RECQL5: variants seen among roughly 807,000 people sequenced by gnomAD.
RECQL5 encodes RecQ like helicase 5.
Under a neutral mutation model 103.4 loss-of-function variants are expected in RECQL5, and 88 were observed. That is an observed-to-expected ratio of 0.85 (90% CI 0.72 to 1.02). The LOEUF is 1.02. RECQL5 is among the 50% of genes least tolerant of loss of function. The probability of loss-of-function intolerance (pLI) is 0.00; values close to 1 mark genes in which losing one functional copy is unlikely to be tolerated. For synonymous variants in RECQL5, 552 were observed against 507.9 expected, an observed-to-expected ratio of 1.09 and a Z score of -1.17; for missense variants, 1,232 against 1,284.3, an observed-to-expected ratio of 0.96 and a Z score of 0.62.
intron 8 of RECQL5, among the ~76,000 whole-genome samples, chr17:75,642,055 T>A (rs535333025): frequency 1.3e-5 from 2 of 152,194 alleles, no homozygotes; most frequent in Non-Finnish European, 2.9e-5. Context: ...CCTCTAAACA[T>A]GGGACCAACC....
chr17:75,627,530 T>C lies in RECQL5; in HGVS notation c.2876-8A>G. The C allele has an allele frequency of 6.2e-7, 1 of 1,613,738 alleles. No individual in the cohort carries two copies. Among genetic ancestry groups the C allele is most frequent in the East Asian group, 2.2e-5 (1 of 44,868 alleles). On this transcript the variant is annotated splice_region_variant and splice_polypyrimidine_tract_variant and intron_variant, in intron 19 of 19. Coordinates refer to ENST00000317905, the MANE Select transcript of RECQL5 (RefSeq NM_004259.7). ...TCTGGGCCTCTTCTTTCACTACAGA[T>C]TCAGGGTGGGGGCATGAGGAGGTGA...
Position 75,627,278 on chromosome 17 carries a change from T to G in RECQL5, c.*144A>C, listed in dbSNP as rs1332247091. The stretch of plus-strand genomic sequence containing the variant: ...ACCTCTGACCTGGATTCAGGGGGTG[T>G]CTGGGGTCATCCCCAAAGCCAAGTA... On this transcript the variant is annotated 3_prime_UTR_variant, in exon 20 of 20. Transcript: ENST00000317905. 5 of 729,404 alleles carry G rather than the reference T, an allele frequency of 6.9e-6. No individual in the cohort carries two copies. The highest frequency in any genetic ancestry group is 1.2e-5 in the Non-Finnish European group (5 of 408,590). 45.2% of individuals were successfully genotyped at this position (729,404 alleles called of 1,614,324 possible).
intron 7 of RECQL5, among the ~76,000 whole-genome samples, chr17:75,654,504 C>T (rs1373876633): frequency 3.3e-5 from 5 of 152,190 alleles, no homozygotes. Flanking sequence ...GGAGAACATC[C>T]TTTAATAGCT....
At position 75,656,995 on chromosome 17, in the gene RECQL5, C is replaced by T. The variant is rs1027783208; in HGVS notation, c.1149+1303G>A. ...TCCTGACCTCGTGATCCACCCGCCTCGGCCTCCCAAAGTGCTGGGATTACA... is the reference window on the plus strand; with the variant it reads ...TCCTGACCTCGTGATCCACCCGCCTTGGCCTCCCAAAGTGCTGGGATTACA... On this transcript the variant is annotated intron_variant, in intron 7 of 19. Transcript: ENST00000317905. Among the ~76,000 whole-genome samples the T allele has an allele frequency of 3.9e-5, 6 of 152,316 alleles. No individual in the cohort carries two copies. The East Asian group carries it at 9.7e-4, about 25-fold the overall frequency.
In RECQL5 at chr17:75,640,244, G is replaced by A. The variant is rs1228863469; in HGVS notation, c.1230-8576C>T. The A allele has an allele frequency of 3.1e-5, 48 of 1,551,214 alleles. No homozygotes were observed. Among genetic ancestry groups the A allele is most frequent in the Admixed American group, 7.9e-5 (4 of 50,946 alleles). ...CGTGCAGGAGATGCGCGCCGTGGGC[G>A]AGAGGCTGCTGCTCAAGCTGCAGAG... is the stretch of plus-strand genomic sequence containing the variant. On this transcript the variant is annotated intron_variant, in intron 8 of 19. Transcript: ENST00000317905. This position sits in a 1 kb window ranked among gnomAD's most constrained non-coding sequence, Gnocchi z 4.6.
Position 75,628,426 on chromosome 17 carries a change from T to A in RECQL5, c.2597A>T (p.Gln866Leu). The change falls in exon 18 of 20, where the codon CAG becomes CTG. Residue 866 changes from glutamine (Q) to leucine (L), a missense_variant. Gln to Leu is a moderately radical substitution (Grantham distance 113, BLOSUM62 -2). Coordinates refer to ENST00000317905, the MANE Select transcript of RECQL5 (RefSeq NM_004259.7). ...TGAGGGGCGTGGCCTCTTCTGAGGC[T>A]GGCTCTCTGGGTTCTCCTGAGAAGG... is the stretch of plus-strand genomic sequence containing the variant. ...PRSQQENPES[Q>L]PQKRPRPSAK... 1 of 1,613,610 alleles carries A rather than the reference T, an allele frequency of 6.2e-7. No homozygotes were observed. Among genetic ancestry groups the A allele is most frequent in the Non-Finnish European group, 8.5e-7 (1 of 1,180,008 alleles).
chr17:75,639,701 G>A (rs2059397516), intron 8 of RECQL5: 1 of 153,230 alleles, frequency 6.5e-6, no homozygotes, highest in South Asian at 2.0e-4. Flanking sequence ...TTTCACCTCT[G>A]ACTGACCCTG....
chr17:75,660,870 G>T, intron 6 of RECQL5, 85 bp downstream of exon 6: 1 of 971,392 alleles, frequency 1.0e-6, no homozygotes, highest in Non-Finnish European at 1.7e-6. Flanking sequence ...AGGAGCACAT[G>T]CACCTGGTCC....
intron 5 of RECQL5, 77 bp from the exon 6 acceptor site, chr17:75,661,143 CTG>C (rs768855016): frequency 1.4e-5 from 16 of 1,105,018 alleles, no homozygotes; most frequent in Non-Finnish European, 2.0e-5. Flanking sequence ...GGGTTTGACA[CTG>C]TGTGCTAGGC....
At chr17:75,663,389 T>C (rs764915501) in intron 3 of RECQL5, among the ~76,000 whole-genome samples, 8 of 151,722 alleles carry the variant, frequency 5.3e-5, no homozygotes, top group Non-Finnish European at 7.4e-5. Context: ...TAATAAAAAA[T>C]ATATATTAAA....
rs761415779 is a variant in RECQL5 at position 75,628,296 on chromosome 17, G to A, written c.2727C>T (p.Gly909=). The A allele has an allele frequency of 8.1e-6, 13 of 1,614,046 alleles. No individual in the cohort carries two copies. The highest frequency in any genetic ancestry group is 5.3e-5 in the African/African-American group (4 of 74,928). The stretch of plus-strand genomic sequence containing the variant: ...CATTTGCAGCCTCCTTCAAGGAGAC[G>A]CCAGGAGCGGAGAGCTGGAAGGGGT... ...AQDPFQLSAP[G]VSLKEAANVV... is the part of the protein sequence containing the mutation. The change falls in exon 18 of 20, where the codon GGC becomes GGT. Residue 909 remains glycine (G), a synonymous_variant. Transcript: ENST00000317905.
At position 75,658,389 on chromosome 17, in the gene RECQL5, T is replaced by A; in HGVS notation, c.1058A>T (p.Asp353Val). The A allele has an allele frequency of 6.2e-7, 1 of 1,614,016 alleles. No homozygotes were observed. The highest frequency in any genetic ancestry group is 8.5e-7 in the Non-Finnish European group (1 of 1,179,962). ...GAGACGGCACCAGGAAGGCTTCCCA[T>A]CCCTGCCAGCCCGGCCAGACTCCTG... Reference protein sequence around the residue: ...YYQESGRAGRDGKPSWCRLYY... With the variant: ...YYQESGRAGRVGKPSWCRLYY... The change falls in exon 7 of 20, where the codon GAT (aspartate) becomes GTT (valine). Residue 353 changes from aspartate (D) to valine (V), a missense_variant. Physicochemically the swap from Asp to Val is radical, Grantham distance 152 (BLOSUM62 -3). Coordinates refer to ENST00000317905, the MANE Select transcript of RECQL5 (RefSeq NM_004259.7).
At position 75,637,413 on chromosome 17, in the gene RECQL5, A is replaced by AG. The variant is rs1361595550; in HGVS notation, c.1230-5746dup. 2.6e-5 allele frequency: 4 copies of AG among 152,486 alleles called. No homozygotes were observed. In the East Asian group the frequency reaches 5.8e-4, roughly 22 times the overall value. The allele number at this position is 152,486 out of a possible 1,614,324, so 9.4% of individuals were successfully genotyped here. A position where few individuals can be genotyped will look rare whatever the true frequency, so the allele number is the denominator to read the frequency against. ...TGAACCACGCGCAAACTGTCCCGTAAGGGACACTGTCGGCATTGTCGTCCC... is the reference window on the plus strand; with the variant it reads ...TGAACCACGCGCAAACTGTCCCGTAAGGGGACACTGTCGGCATTGTCGTCCC... On this transcript the variant is annotated intron_variant, in intron 8 of 19. Coordinates refer to ENST00000317905, the MANE Select transcript of RECQL5 (RefSeq NM_004259.7).
At chr17:75,650,234 G>A in intron 8 of RECQL5, 13 of 991,606 alleles carry the variant, frequency 1.3e-5, no homozygotes, top group Non-Finnish European at 1.3e-5. Context: ...CACTTTTGCT[G>A]GGCGTGGTCT....
intron 7 of RECQL5, among the ~76,000 whole-genome samples, chr17:75,651,904 T>G (rs2059560798): frequency 6.6e-6 from 1 of 152,124 alleles, no homozygotes; most frequent in Non-Finnish European, 1.5e-5. Context: ...GGGAGATATA[T>G]TAAAAGGTTA....
Position 75,629,358 on chromosome 17 carries a change from C to G in RECQL5, c.2065G>C (p.Gly689Arg). 1 of 1,513,390 alleles carries G rather than the reference C, an allele frequency of 6.6e-7. No homozygotes were observed. Among genetic ancestry groups the G allele is most frequent in the Non-Finnish European group, 8.8e-7 (1 of 1,131,398 alleles). 93.7% of individuals were successfully genotyped at this position (1,513,390 alleles called of 1,614,324 possible). A position where few individuals can be genotyped will look rare whatever the true frequency, so the allele number is the denominator to read the frequency against. Residue 689 changes from glycine (G) to arginine (R), a missense_variant, in exon 16 of 20, where the codon GGC (glycine) becomes CGC (arginine). Transcript: ENST00000317905. ...GGCCGGCTCGGGGGCTCGTGCTCGC[C>G]TCCCCGCTCGGGCTGGGGGGCTTGC... Reference protein sequence around the residue: ...REQAPQPERGGEHEPPSRPCG... With the variant: ...REQAPQPERGREHEPPSRPCG...
chr17:75,629,745 T>C lies in RECQL5; in HGVS notation c.1910A>G (p.Asn637Ser), dbSNP rs199545184. 1.3e-5 allele frequency: 21 copies of C among 1,613,384 alleles called. No homozygotes were observed. Among genetic ancestry groups the C allele is most frequent in the South Asian group, 2.2e-5 (2 of 91,056 alleles). The stretch of plus-strand genomic sequence containing the variant: ...GGAGGCTGGTGGAATGTCATACTCA[T>C]TGGGCTCCGGGGGCTCAGCTTGGGC... ...CSAQAEPPEPNEYDIPPASHV... is the reference protein window; with the variant it reads ...CSAQAEPPEPSEYDIPPASHV... The change falls in exon 15 of 20, where the codon AAT becomes AGT. Residue 637 changes from asparagine to serine, a missense_variant. Transcript: ENST00000317905.
At position 75,651,178 on chromosome 17, in the gene RECQL5, T is replaced by A; in HGVS notation, c.1229+8A>T. 1 of 1,614,042 alleles carries A rather than the reference T, an allele frequency of 6.2e-7. No individual in the cohort carries two copies. Among genetic ancestry groups the A allele is most frequent in the Non-Finnish European group, 8.5e-7 (1 of 1,180,016 alleles). On this transcript the variant is annotated splice_region_variant and intron_variant, in intron 8 of 19. Coordinates refer to ENST00000317905, the MANE Select transcript of RECQL5 (RefSeq NM_004259.7). ...CACTTTGCTCCACATATAAAATAAG[T>A]CACTTACCCCAGTTCTTCACAGAAG... is the stretch of plus-strand genomic sequence containing the variant.
intron 8 of RECQL5, chr17:75,646,737 C>T (rs1159037579): frequency 6.6e-6 from 1 of 152,396 alleles, no homozygotes; most frequent in African/African-American, 2.4e-5. Flanking sequence ...GCCTGAAGGA[C>T]CACCCTGAAT....
Sources: gnomAD v4.1 joint callset for allele counts (sites outside exome capture counted in the v4.1 genomes callset) on GRCh38, gnomAD v4.1.1 for gene constraint, Gnocchi (gnomAD v3.1) non-coding constraint, MANE v1.5 for transcripts, NCBI Gene and HGNC (gene_info 2026-07-23, HGNC 2026-07-21) for gene names.